The following DPH6 variants were observed in gnomAD, a reference collection of about 807,000 sequenced individuals.
DPH6 encodes diphthamine biosynthesis 6.
Under a neutral mutation model 38.2 loss-of-function variants are expected in DPH6, and 33 were observed. That is an observed-to-expected ratio of 0.86 (90% CI 0.65 to 1.15). DPH6 has a LOEUF of 1.15. DPH6 is among the 50% of genes most tolerant of loss of function. The pLI, the probability that DPH6 is intolerant of heterozygous loss-of-function variation, is 0.00. For missense variants in DPH6, 325 were observed against 320.0 expected (o/e 1.02, Z -0.12); for synonymous variants, 108 against 103.0 (o/e 1.05, Z -0.30).
intron 3 of DPH6, among the ~76,000 whole-genome samples, chr15:35,475,500 C>T (rs906773026): frequency 2.0e-5 from 3 of 151,826 alleles, no homozygotes; most frequent in Admixed American, 6.6e-5. Flanking sequence ...ACCAACTATC[C>T]GGTGACCATT....
intron 7 of DPH6, among the ~76,000 whole-genome samples, chr15:35,378,719 A>G (rs1338276636): frequency 1.3e-5 from 2 of 152,068 alleles, no homozygotes; most frequent in Admixed American, 6.6e-5. Context: ...GCAAACTATC[A>G]CAAAAACAGA....
chr15:35,281,445 A>T lies in DPH6; in HGVS notation n.201-60863T>A, dbSNP rs957060019. Among the ~76,000 whole-genome samples, 4 of 152,354 alleles carry T rather than the reference A, an allele frequency of 2.6e-5. No homozygotes were observed. In the East Asian group the frequency reaches 5.8e-4, roughly 22 times the overall value. On this transcript the variant is annotated intron_variant and non_coding_transcript_variant, in intron 3 of 3. Coordinates refer to the DPH6 transcript ENST00000560386. ...TATTTTGACCCAAAATAATTTTTTT[A>T]AATTGAGAAAACATATGCTAATAAT... is the stretch of plus-strand genomic sequence containing the variant.
At chr15:35,164,043 G>C in the DPH6 span, among the ~76,000 whole-genome samples, 4 of 151,732 alleles carry the variant, frequency 2.6e-5, no homozygotes, top group African/African-American at 9.7e-5. Flanking sequence ...TCTATAAAAG[G>C]TGACTTTGAA....
downstream of DPH6, among the ~76,000 whole-genome samples, chr15:35,368,415 A>C (rs1435776240): frequency 1.3e-5 from 2 of 151,938 alleles, no homozygotes; most frequent in Non-Finnish European, 2.9e-5. Context: ...CATGGCTAAT[A>C]ATTTTATTCA....
the DPH6 span, among the ~76,000 whole-genome samples, chr15:35,153,454 T>A: frequency 6.6e-6 from 1 of 152,094 alleles, no homozygotes; most frequent in Non-Finnish European, 1.5e-5. Flanking sequence ...GCATAGGTGG[T>A]TAGATGGTAT....
intron 3 of DPH6, among the ~76,000 whole-genome samples, chr15:35,501,904 T>TAA (rs2054632577): frequency 6.6e-6 from 1 of 152,138 alleles, no homozygotes; most frequent in Non-Finnish European, 1.5e-5. Context: ...CAATTTAAGT[T>TAA]TAGCACATAC....
At chr15:35,237,199 G>A (rs1185764985) in intron 3 of DPH6, 29 of 748,932 alleles carry the variant, frequency 3.9e-5, no homozygotes, top group Non-Finnish European at 6.0e-5. Context: ...TGAGGTTAGC[G>A]TGTGCCGGGG....
chr15:35,381,806 T>C lies in DPH6; in HGVS notation c.662+16A>G. On this transcript the variant is annotated intron_variant, in intron 7 of 8. Coordinates refer to ENST00000256538, the MANE Select transcript of DPH6 (RefSeq NM_080650.4). ...AATTTATGGGAAAAAAAGAAAATGC[T>C]GAAATGATATCTTACACAATTATTT... The C allele has an allele frequency of 6.3e-7, 1 of 1,594,078 alleles. No individual in the cohort carries two copies. Among genetic ancestry groups the C allele is most frequent in the South Asian group, 1.1e-5 (1 of 89,716 alleles).
chr15:35,336,190 G>A (rs2052370464), intron 3 of DPH6, among the ~76,000 whole-genome samples: 1 of 152,038 alleles, frequency 6.6e-6, no homozygotes, highest in Non-Finnish European at 1.5e-5. Flanking sequence ...CCTGTTGTTG[G>A]TGTATAGGAA....
chr15:35,443,044 A>G (rs1268384633), intron 5 of DPH6, among the ~76,000 whole-genome samples: 2 of 152,220 alleles, frequency 1.3e-5, no homozygotes. Context: ...TATTAATTAC[A>G]TTTCCATAAA....
intron 5 of DPH6, among the ~76,000 whole-genome samples, chr15:35,427,759 G>A (rs1767916321): frequency 6.6e-6 from 1 of 151,792 alleles, no homozygotes; most frequent in African/African-American, 2.4e-5. Flanking sequence ...GAGTATTGGG[G>A]AAAATAAATA....
intron 5 of DPH6, among the ~76,000 whole-genome samples, chr15:35,430,587 C>T (rs999431500): frequency 1.9e-4 from 29 of 151,780 alleles, no homozygotes; most frequent in Middle Eastern, 3.4e-3. Context: ...TAATCATGAT[C>T]TAAAACTATT....
intron 2 of DPH6, among the ~76,000 whole-genome samples, chr15:35,540,591 G>T (rs2055238042): frequency 6.6e-6 from 1 of 151,958 alleles, no homozygotes; most frequent in Non-Finnish European, 1.5e-5. Context: ...AATTACTATT[G>T]TTTCGACTGC....
chr15:35,170,056 C>T, the DPH6 span, among the ~76,000 whole-genome samples: 1 of 152,136 alleles, frequency 6.6e-6, no homozygotes, highest in Non-Finnish European at 1.5e-5. Flanking sequence ...GCTTTGCATG[C>T]AATTTAGGCT....
chr15:35,449,103 TTTATATG>T (rs2053896441), intron 5 of DPH6, among the ~76,000 whole-genome samples: 3 of 151,828 alleles, frequency 2.0e-5, no homozygotes, highest in Admixed American at 6.6e-5. Flanking sequence ...TATTGCATCA[TTTATATG>T]TTTCTATGTC....
intron 6 of DPH6, chr15:35,400,943 A>G (rs1356950940): frequency 2.6e-5 from 27 of 1,040,096 alleles, no homozygotes; most frequent in Non-Finnish European, 3.6e-5. Context: ...GAGTTGTGGA[A>G]CCAAAGAGAG....
intron 5 of DPH6, among the ~76,000 whole-genome samples, chr15:35,414,797 G>C (rs2141001494): frequency 6.7e-6 from 1 of 149,856 alleles, no homozygotes; most frequent in Admixed American, 6.7e-5. Flanking sequence ...GCCCACTGAA[G>C]TTTTTTTTCA....
chr15:35,529,065 G>A (rs544461865), intron 3 of DPH6, among the ~76,000 whole-genome samples: 35 of 152,172 alleles, frequency 2.3e-4, no homozygotes, highest in African/African-American at 7.9e-4. Context: ...AAGAACTTCC[G>A]GTAATTTTTA....
intron 3 of DPH6, among the ~76,000 whole-genome samples, chr15:35,355,872 A>G (rs2052555345): frequency 6.6e-6 from 1 of 152,214 alleles, no homozygotes; most frequent in Non-Finnish European, 1.5e-5. Flanking sequence ...AATATCCTGC[A>G]GAGTGTTTTC....
Sources: allele counts gnomAD v4.1 joint callset (sites outside exome capture counted in the v4.1 genomes callset), GRCh38; gene constraint gnomAD v4.1.1; transcripts MANE v1.5; gene names NCBI Gene and HGNC (gene_info 2026-07-23, HGNC 2026-07-21).